The following LMO7 variants were observed in gnomAD, a reference collection of about 807,000 sequenced individuals.
LMO7 encodes LIM domain only protein 7.
Under a neutral mutation model 206.5 loss-of-function variants are expected in LMO7, and 120 were observed. That is an observed-to-expected ratio of 0.58 (90% confidence interval 0.50 to 0.68). The LOEUF is 0.68. Among genes scored for constraint, LMO7 ranks in the 30% least tolerant of loss-of-function variants. LMO7 has a pLI of 0.00. For missense variants in LMO7, 1,959 were observed against 1,957.9 expected (o/e 1.00, Z -0.01); for synonymous variants, 706 against 681.5 (o/e 1.04, Z -0.56).
At chr13:75,817,406 C>G in intron 12 of LMO7, 128 bp downstream of exon 12, 1 of 535,752 alleles carries the variant, frequency 1.9e-6, no homozygotes, top group South Asian at 3.3e-5. Flanking sequence ...AAAATGTGAC[C>G]AACTTTCTTT....
At position 75,728,675 on chromosome 13, in the gene LMO7, G is replaced by A. The variant is rs539328283; in HGVS notation, c.210+1577G>A. Among the ~76,000 whole-genome samples, 245 of 137,836 alleles carry A rather than the reference G, an allele frequency of 1.8e-3. 1 individual carries two copies. The highest frequency in any genetic ancestry group is 3.1e-3 in the South Asian group (13 of 4,204). 90.4% of individuals were successfully genotyped at this position (137,836 alleles called of 152,430 possible). A position where few individuals can be genotyped will look rare whatever the true frequency, so the allele number is the denominator to read the frequency against. ...TTGGCTTTTGTTGCCATTGCTTTTT[G>A]TGTTTTAGACATGAAGTCCTTGCCC... is the stretch of plus-strand genomic sequence containing the variant. On this transcript the variant is annotated intron_variant, in intron 3 of 30. Transcript: ENST00000377534.
At chr13:75,767,132 T>C (rs1480688669) in intron 4 of LMO7, among the ~76,000 whole-genome samples, 1 of 152,152 alleles carries the variant, frequency 6.6e-6, no homozygotes, top group Non-Finnish European at 1.5e-5. Context: ...CTTTGGACTA[T>C]GTGCCTTTCA....
chr13:75,667,425 G>A, intron 1 of LMO7, among the ~76,000 whole-genome samples: 1 of 151,936 alleles, frequency 6.6e-6, no homozygotes, highest in East Asian at 1.9e-4. Context: ...TTTTCCCGTA[G>A]GTCCCTAAGG....
intron 1 of LMO7, among the ~76,000 whole-genome samples, chr13:75,659,574 C>T (rs887006046): frequency 2.1e-5 from 3 of 143,846 alleles, no homozygotes; most frequent in Admixed American, 1.5e-4. Context: ...CATCATATCT[C>T]GTGAGACTTA....
At chr13:75,655,012 A>AGGCACC (rs1459482527) in intron 1 of LMO7, among the ~76,000 whole-genome samples, 9 of 151,840 alleles carry the variant, frequency 5.9e-5, no homozygotes, top group African/African-American at 2.2e-4. Context: ...CTGGGATTAC[A>AGGCACC]GGCACCTGTC....
At chr13:75,642,133 G>T (rs1173801442) in intron 1 of LMO7, among the ~76,000 whole-genome samples, 2 of 152,188 alleles carry the variant, frequency 1.3e-5, no homozygotes, top group African/African-American at 4.8e-5. Context: ...AATGCCGTTA[G>T]AATAGCCTGA....
At chr13:75,773,666 A>T (rs2050027538) in intron 4 of LMO7, among the ~76,000 whole-genome samples, 1 of 152,188 alleles carries the variant, frequency 6.6e-6, no homozygotes, top group African/African-American at 2.4e-5. Flanking sequence ...GAAACAGAAA[A>T]GGTAGCTGAT....
intron 1 of LMO7, among the ~76,000 whole-genome samples, chr13:75,674,835 A>G (rs914862683): frequency 3.9e-5 from 6 of 152,232 alleles, no homozygotes; most frequent in African/African-American, 1.4e-4. Context: ...GTATTATTTG[A>G]ACAATATTCT....
At chr13:75,642,839 C>T (rs189929980) in intron 1 of LMO7, among the ~76,000 whole-genome samples, 1 of 152,154 alleles carries the variant, frequency 6.6e-6, no homozygotes, top group Admixed American at 6.5e-5. Context: ...ACATGTTGTC[C>T]TATTTTTTCT....
intron 3 of LMO7, among the ~76,000 whole-genome samples, chr13:75,737,059 T>G (rs992783764): frequency 5.8e-4 from 88 of 152,306 alleles, no homozygotes; most frequent in African/African-American, 2.1e-3. Flanking sequence ...CCTTAGAGTG[T>G]GATCTTATTT....
At chr13:75,668,637 G>C (rs2039279030) in intron 1 of LMO7, among the ~76,000 whole-genome samples, 1 of 152,102 alleles carries the variant, frequency 6.6e-6, no homozygotes, top group South Asian at 2.1e-4. Context: ...CCTGCTTTCA[G>C]CTACTCTCCA....
intron 1 of LMO7, among the ~76,000 whole-genome samples, chr13:75,652,965 A>AC (rs1566276921): frequency 6.6e-6 from 1 of 152,168 alleles, no homozygotes; most frequent in African/African-American, 2.4e-5. Flanking sequence ...CAGTATCTGT[A>AC]CAAGTAGTCA....
At chr13:75,672,310 C>G (rs191106539) in intron 1 of LMO7, among the ~76,000 whole-genome samples, 36 of 149,808 alleles carry the variant, frequency 2.4e-4, no homozygotes, top group Admixed American at 2.3e-3. Context: ...GGCACAATCT[C>G]CACTCACCAC....
chr13:75,746,931 T>G (rs2046887635), intron 3 of LMO7, among the ~76,000 whole-genome samples: 1 of 152,040 alleles, frequency 6.6e-6, no homozygotes, highest in Non-Finnish European at 1.5e-5. Context: ...CAAGTGAAGT[T>G]TCTGGTAGTT....
At chr13:75,821,706 T>G (rs1218131122) in intron 14 of LMO7, 97 bp downstream of exon 14, 2 of 734,268 alleles carry the variant, frequency 2.7e-6, no homozygotes, top group Admixed American at 5.8e-5. Flanking sequence ...ATGTGTAAAC[T>G]GTACATAACA....
intron 3 of LMO7, among the ~76,000 whole-genome samples, chr13:75,751,149 C>CTTTTTTTTTTTTTTT (rs57976279): frequency 3.3e-5 from 2 of 60,390 alleles, no homozygotes; most frequent in African/African-American, 6.7e-5. Flanking sequence ...TTTTTCAGCT[C>CTTTTTTTTTTTTTTT]TTTTTTTTTT....
At chr13:75,667,541 G>T (rs574958762) in intron 1 of LMO7, among the ~76,000 whole-genome samples, 2 of 152,098 alleles carry the variant, frequency 1.3e-5, no homozygotes, top group African/African-American at 4.8e-5. Context: ...TCAGCTGTTA[G>T]TCTTATCTGG....
At chr13:75,797,442 G>A (rs539858859) in intron 6 of LMO7, among the ~76,000 whole-genome samples, 9 of 152,284 alleles carry the variant, frequency 5.9e-5, no homozygotes, top group South Asian at 4.1e-4. Context: ...TGGGAAAAAC[G>A]AATTTCTCTG....
chr13:75,753,504 G>A (rs193081306), intron 3 of LMO7, among the ~76,000 whole-genome samples: 226 of 152,246 alleles, frequency 1.5e-3, no homozygotes, highest in Non-Finnish European at 2.7e-3. Flanking sequence ...TGGTTTGGCT[G>A]TGTCCTCACC....
Sources: allele counts gnomAD v4.1 joint callset (sites outside exome capture counted in the v4.1 genomes callset), GRCh38; gene constraint gnomAD v4.1.1; transcripts MANE v1.5; gene names NCBI Gene and HGNC (gene_info 2026-07-23, HGNC 2026-07-21).